Variants in GPC6 observed in about 807,000 individuals in gnomAD.
The protein encoded by GPC6 is glypican 6.
GPC6 carries 14 observed loss-of-function variants against 55.2 expected under a neutral mutation model. The ratio of observed to expected loss-of-function variants is 0.25; its 90% CI spans 0.17 to 0.40. The LOEUF (loss-of-function observed/expected upper bound fraction) is 0.40. GPC6 is among the 10% of genes least tolerant of loss of function. GPC6 has a pLI of 1.00. For synonymous variants in GPC6, 278 were observed against 259.6 expected (o/e 1.07, Z -0.68); for missense variants, 641 against 708.5 (o/e 0.90, Z 1.08).
At position 93,352,917 on chromosome 13, in the gene GPC6, C is replaced by T. The variant is rs149574217; in HGVS notation, c.160+125301C>T. On this transcript the variant is annotated intron_variant, in intron 1 of 8. Coordinates refer to ENST00000377047, the MANE Select transcript of GPC6 (RefSeq NM_005708.5). ...AATTAGGAAGCGCTTGCAGGAGTCT[C>T]TAGCTCCTTGTGTGGTCATGGAACA... is the stretch of plus-strand genomic sequence containing the variant. Among the ~76,000 whole-genome samples the T allele has an allele frequency of 8.0e-3, 1,215 of 152,226 alleles. 19 individuals are homozygous for T. The highest frequency in any genetic ancestry group is 0.037 in the Middle Eastern group (11 of 294).
intron 4 of GPC6, among the ~76,000 whole-genome samples, chr13:94,208,842 G>A (rs764163819): frequency 1.3e-5 from 2 of 150,304 alleles, no homozygotes; most frequent in East Asian, 2.0e-4. Flanking sequence ...TCCCTGGATC[G>A]CTTGAGCCCA....
At chr13:94,335,905 T>G (rs898865691) in intron 6 of GPC6, among the ~76,000 whole-genome samples, 2 of 31,192 alleles carry the variant, frequency 6.4e-5, no homozygotes, top group African/African-American at 2.0e-4. Flanking sequence ...GTTGTGATTT[T>G]TTTTTTTTTT....
intron 1 of GPC6, among the ~76,000 whole-genome samples, chr13:93,514,926 A>G (rs536094398): frequency 3.4e-4 from 52 of 152,296 alleles, no homozygotes; most frequent in Non-Finnish European, 6.0e-4. Context: ...ACTCATTGCT[A>G]TGGGCTGAAT....
At chr13:93,851,705 G>T (rs1372772051) in intron 3 of GPC6, among the ~76,000 whole-genome samples, 3 of 151,682 alleles carry the variant, frequency 2.0e-5, no homozygotes, top group East Asian at 1.9e-4. Context: ...CATTATGTTT[G>T]TATTTACTCT....
chr13:94,189,882 G>A (rs1056610780), intron 4 of GPC6, among the ~76,000 whole-genome samples: 15 of 152,048 alleles, frequency 9.9e-5, no homozygotes, highest in Admixed American at 5.9e-4. Flanking sequence ...TTGGCCAGGC[G>A]TGGTGGCGGG....
chr13:93,721,810 A>G (rs1440461156), intron 2 of GPC6, among the ~76,000 whole-genome samples: 1 of 151,782 alleles, frequency 6.6e-6, no homozygotes. Context: ...CTTTCTGTCT[A>G]ATAATATTGA....
At chr13:93,238,785 GT>G (rs35012918) in intron 1 of GPC6, among the ~76,000 whole-genome samples, 39,018 of 151,614 alleles carry the variant, frequency 0.26, 5,124 homozygotes, top group African/African-American at 0.32. Flanking sequence ...TTTCTTGGGG[GT>G]TTTTTATCAT....
At chr13:94,396,051 A>G (rs1308237131) in intron 7 of GPC6, among the ~76,000 whole-genome samples, 1 of 151,972 alleles carries the variant, frequency 6.6e-6, no homozygotes, top group African/African-American at 2.4e-5. Context: ...TTTGGCAGTT[A>G]CTGTGTCTTT....
At chr13:94,314,033 A>G (rs1876392576) in intron 6 of GPC6, among the ~76,000 whole-genome samples, 1 of 152,222 alleles carries the variant, frequency 6.6e-6, no homozygotes, top group African/African-American at 2.4e-5. Flanking sequence ...GTTGCATAGC[A>G]CTTAGTAAAA....
intron 1 of GPC6, among the ~76,000 whole-genome samples, chr13:93,513,876 C>CTTT (rs56333946): frequency 0.23 from 25,394 of 109,920 alleles, 3,242 homozygotes; most frequent in South Asian, 0.27. Context: ...TGAATGATGG[C>CTTT]TTTTTTTTTT....
intron 1 of GPC6, among the ~76,000 whole-genome samples, chr13:93,263,788 C>A (rs1476426554): frequency 1.3e-5 from 2 of 152,162 alleles, no homozygotes; most frequent in African/African-American, 4.8e-5. Flanking sequence ...TGTCCTTACA[C>A]GTGCATATTT....
chr13:93,478,749 T>A lies in GPC6; in HGVS notation c.161-66514T>A, dbSNP rs1879392258. ...ATGTTACAGGTCAGTCAGTATATGA[T>A]GTGTCTCTATGAAGTGTACCTGAAC... On this transcript the variant is annotated intron_variant, in intron 1 of 8. Coordinates refer to ENST00000377047, the MANE Select transcript of GPC6 (RefSeq NM_005708.5). 2.6e-5 allele frequency among the ~76,000 whole-genome samples: 4 copies of A among 152,216 alleles called. No homozygotes were observed. In the South Asian group the frequency reaches 8.3e-4, roughly 31 times the overall value.
At chr13:93,266,069 C>T (rs1224272639) in intron 1 of GPC6, among the ~76,000 whole-genome samples, 1 of 152,146 alleles carries the variant, frequency 6.6e-6, no homozygotes, top group African/African-American at 2.4e-5. Context: ...ATAGTCTATA[C>T]TCTATCTAAA....
Position 93,314,857 on chromosome 13 carries a change from A to G in GPC6, c.160+87241A>G, listed in dbSNP as rs865992614. 7.5e-4 allele frequency among the ~76,000 whole-genome samples: 114 copies of G among 152,160 alleles called. 3 individuals are homozygous for G. Among genetic ancestry groups the G allele is most frequent in the African/African-American group, 2.5e-3 (104 of 41,520 alleles). ...TGGGAGTAAATTGCAAAGCCAAAGG[A>G]TTACATGGCTAGGCTGATAAGTTGT... On this transcript the variant is annotated intron_variant, in intron 1 of 8. Coordinates refer to ENST00000377047, the MANE Select transcript of GPC6 (RefSeq NM_005708.5).
chr13:94,402,021 C>A (rs746340450), intron 8 of GPC6, among the ~76,000 whole-genome samples: 7 of 152,058 alleles, frequency 4.6e-5, no homozygotes, highest in Non-Finnish European at 1.0e-4. Context: ...GTAAATAAAC[C>A]ATTTTGGAGT....
intron 3 of GPC6, among the ~76,000 whole-genome samples, chr13:93,856,820 T>A (rs1027265833): frequency 2.0e-5 from 3 of 151,622 alleles, no homozygotes; most frequent in Non-Finnish European, 4.4e-5. Flanking sequence ...ATCCTCTTGC[T>A]ACATCATTAG....
chr13:93,631,435 T>C (rs1566459006), intron 2 of GPC6, among the ~76,000 whole-genome samples: 1 of 152,200 alleles, frequency 6.6e-6, no homozygotes, highest in Non-Finnish European at 1.5e-5. Context: ...TGTAGACATG[T>C]TGACTTTCGA....
At chr13:93,750,902 A>G (rs1884554884) in intron 2 of GPC6, among the ~76,000 whole-genome samples, 2 of 152,164 alleles carry the variant, frequency 1.3e-5, no homozygotes, top group South Asian at 4.1e-4. Context: ...TTCACAGCAT[A>G]TGCCACAGTG....
In GPC6 at chr13:94,241,897, T is replaced by C. The variant is rs574660606; in HGVS notation, c.878-44452T>C. Among the ~76,000 whole-genome samples the C allele has an allele frequency of 3.3e-5, 5 of 152,238 alleles. No homozygotes were observed. The South Asian group carries it at 1.0e-3, about 32-fold the overall frequency. On this transcript the variant is annotated intron_variant, in intron 4 of 8. Transcript: ENST00000377047. ...TTTGCTTCCTGAATTTCTTTTTTTT[T>C]CTTTTTAATGTATTTTTATTCTTTT...
Sources: allele counts gnomAD v4.1 joint callset (sites outside exome capture counted in the v4.1 genomes callset), GRCh38; gene constraint gnomAD v4.1.1; transcripts MANE v1.5; gene names NCBI Gene and HGNC (gene_info 2026-07-23, HGNC 2026-07-21).